The following ERAP1 variants were observed in gnomAD, a reference collection of about 807,000 sequenced individuals.
ERAP1 encodes endoplasmic reticulum aminopeptidase 1.
A neutral mutation model predicts 103.7 loss-of-function variants in ERAP1; 86 were observed. The ratio of observed to expected loss-of-function variants is 0.83; its 90% CI spans 0.70 to 0.99. The LOEUF is 0.99. ERAP1 is among the 50% of genes least tolerant of loss of function. The pLI is 0.00. For synonymous variants in ERAP1, 398 were observed against 402.4 expected (o/e 0.99, Z 0.13); for missense variants, 1,009 against 1,128.4 (o/e 0.89, Z 1.52).
intron 4 of ERAP1, among the ~76,000 whole-genome samples, chr5:96,796,234 T>C (rs944976126): frequency 2.0e-5 from 3 of 152,186 alleles, no homozygotes; most frequent in East Asian, 1.9e-4. Flanking sequence ...CACAAACACA[T>C]AAGGTATCTT....
the ERAP1 span, among the ~76,000 whole-genome samples, chr5:96,898,928 G>A: frequency 2.6e-5 from 4 of 152,072 alleles, no homozygotes; most frequent in Admixed American, 1.3e-4. Context: ...ATGTGTGTGT[G>A]CATGTATGTA....
At chr5:96,768,246 G>A (rs1417147767) in intron 19 of ERAP1, 1 of 474,028 alleles carries the variant, frequency 2.1e-6, no homozygotes, top group Admixed American at 3.4e-5. Flanking sequence ...ACCACACCCA[G>A]CTAATTTTTG....
the ERAP1 span, among the ~76,000 whole-genome samples, chr5:96,895,023 A>G: frequency 6.6e-6 from 1 of 152,066 alleles, no homozygotes; most frequent in African/African-American, 2.4e-5. Flanking sequence ...GGGCATTGAG[A>G]ACACACAAAA....
the ERAP1 span, among the ~76,000 whole-genome samples, chr5:96,828,160 TGTC>T: frequency 6.6e-6 from 1 of 152,222 alleles, no homozygotes; most frequent in East Asian, 1.9e-4. Context: ...CCATCTTTGT[TGTC>T]TTTTATGGTG....
chr5:96,885,025 A>G, the ERAP1 span, among the ~76,000 whole-genome samples: 2 of 152,172 alleles, frequency 1.3e-5, no homozygotes, highest in African/African-American at 2.4e-5. Context: ...ATTTAAGGCA[A>G]TGTTAATCTA....
chr5:96,858,724 T>C, the ERAP1 span, among the ~76,000 whole-genome samples: 1 of 152,160 alleles, frequency 6.6e-6, no homozygotes, highest in Non-Finnish European at 1.5e-5. Flanking sequence ...ACCTGCTGCC[T>C]TTATAGAGCC....
At chr5:96,786,736 T>C in intron 11 of ERAP1, 187 bp from the exon 12 acceptor site, 1 of 574,288 alleles carries the variant, frequency 1.7e-6, no homozygotes, top group Non-Finnish European at 3.1e-6. Context: ...TCGGGCACTA[T>C]TTCCTTTTCT....
At chr5:96,803,358 G>T (rs200264416) in intron 2 of ERAP1, 45 bp downstream of exon 2, 2 of 1,540,960 alleles carry the variant, frequency 1.3e-6, no homozygotes, top group South Asian at 1.1e-5. Flanking sequence ...TGAATTTAGC[G>T]TGGGCAGCAC....
chr5:96,832,278 T>G, the ERAP1 span, among the ~76,000 whole-genome samples: 1 of 152,144 alleles, frequency 6.6e-6, no homozygotes, highest in Admixed American at 6.5e-5. Context: ...TCCCCTGAGA[T>G]GAATGCTGGC....
At chr5:96,773,353 T>C (rs932380700), downstream of ERAP1, 4 of 153,504 alleles carry the variant, frequency 2.6e-5, no homozygotes, top group South Asian at 2.1e-4. Context: ...AAAGGTTAGA[T>C]AAGTCCTTGT....
At chr5:96,821,257 T>C in the ERAP1 span, among the ~76,000 whole-genome samples, 1 of 152,214 alleles carries the variant, frequency 6.6e-6, no homozygotes, top group African/African-American at 2.4e-5. Context: ...GTATTACTCA[T>C]ACTAAAAAAT....
chr5:96,803,400 T>C lies in ERAP1; in HGVS notation c.524+3A>G, dbSNP rs74686579. 5 of 1,612,042 alleles carry C rather than the reference T, an allele frequency of 3.1e-6. No homozygotes were observed. In the African/African-American group the frequency reaches 4.0e-5, roughly 13 times the overall value. On this transcript the variant is annotated splice_donor_region_variant and intron_variant, in intron 2 of 18. Transcript: ENST00000443439. ...TTTAAAAGAAAAAGAGAAAAAAAAATACCTCAGTTCCCCTTCCTTGGTTCT... is the reference window on the plus strand; with the variant it reads ...TTTAAAAGAAAAAGAGAAAAAAAAACACCTCAGTTCCCCTTCCTTGGTTCT...
chr5:96,849,419 T>A, the ERAP1 span, among the ~76,000 whole-genome samples: 1 of 152,114 alleles, frequency 6.6e-6, no homozygotes, highest in Admixed American at 6.5e-5. Flanking sequence ...TTGAGTAAAG[T>A]AGCAGGTCAC....
chr5:96,850,453 A>G, the ERAP1 span, among the ~76,000 whole-genome samples: 3 of 152,220 alleles, frequency 2.0e-5, no homozygotes, highest in Non-Finnish European at 4.4e-5. Flanking sequence ...TTTCTCGTAG[A>G]AAGACAAAGA....
chr5:96,873,362 T>A, the ERAP1 span: 1 of 456,248 alleles, frequency 2.2e-6, no homozygotes, highest in Non-Finnish European at 4.4e-6. Context: ...CGTGGTCCAT[T>A]GCCTGAAGTT....
the ERAP1 span, among the ~76,000 whole-genome samples, chr5:96,887,905 C>A: frequency 2.0e-5 from 3 of 152,050 alleles, no homozygotes; most frequent in Admixed American, 6.5e-5. Context: ...GCTGGCAGAT[C>A]GCCTGAGGTC....
At chr5:96,847,244 T>C in the ERAP1 span, among the ~76,000 whole-genome samples, 4 of 104,188 alleles carry the variant, frequency 3.8e-5, no homozygotes, top group African/African-American at 1.3e-4. Flanking sequence ...CAAGACTCCA[T>C]CTCAAAAAAA....
the ERAP1 span, among the ~76,000 whole-genome samples, chr5:96,855,578 T>C: frequency 1.3e-5 from 2 of 152,228 alleles, no homozygotes; most frequent in African/African-American, 4.8e-5. Context: ...AGACTGTCTG[T>C]TCCTTTCCAT....
the ERAP1 span, among the ~76,000 whole-genome samples, chr5:96,872,469 C>T: frequency 6.6e-6 from 1 of 152,038 alleles, no homozygotes; most frequent in East Asian, 1.9e-4. Context: ...TGTGGTAGTG[C>T]ACACCTGTAG....
Sources: gnomAD v4.1 joint callset for allele counts (sites outside exome capture counted in the v4.1 genomes callset) on GRCh38, gnomAD v4.1.1 for gene constraint, MANE v1.5 for transcripts, NCBI Gene and HGNC (gene_info 2026-07-23, HGNC 2026-07-21) for gene names.